Variants in TRERF1 observed in about 807,000 individuals in gnomAD.
The protein encoded by TRERF1 is transcriptional-regulating factor 1.
A neutral mutation model predicts 122.9 loss-of-function variants in TRERF1; 27 were observed. The observed-to-expected ratio is 0.22, with a 90% CI of 0.16 to 0.30. The LOEUF (loss-of-function observed/expected upper bound fraction) is 0.30. Among genes scored for constraint, TRERF1 ranks in the 10% least tolerant of loss-of-function variants. The pLI, the probability that TRERF1 is intolerant of heterozygous loss-of-function variation, is 1.00. For missense variants in TRERF1, 1,248 were observed against 1,560.3 expected (o/e 0.80, Z 3.37); for synonymous variants, 636 against 641.7 (o/e 0.99, Z 0.13).
chr6:42,338,032 G>GC (rs971770240), intron 3 of TRERF1, among the ~76,000 whole-genome samples: 16 of 152,296 alleles, frequency 1.1e-4, no homozygotes, highest in African/African-American at 3.1e-4. Context: ...TTTAACAAGA[G>GC]CCCCCAGGTG....
At chr6:42,376,070 T>C (rs1268063229) in intron 2 of TRERF1, among the ~76,000 whole-genome samples, 3 of 152,054 alleles carry the variant, frequency 2.0e-5, no homozygotes, top group African/African-American at 7.2e-5. Flanking sequence ...GGGATGTTTC[T>C]CGGCCTACCA....
chr6:42,338,294 G>A (rs577298564), intron 3 of TRERF1, among the ~76,000 whole-genome samples: 24 of 152,022 alleles, frequency 1.6e-4, no homozygotes, highest in African/African-American at 5.5e-4. Context: ...CTTGGGGGTA[G>A]GGAAATGGGC....
intron 2 of TRERF1, among the ~76,000 whole-genome samples, chr6:42,439,753 T>C (rs1481244748): frequency 6.6e-6 from 1 of 152,200 alleles, no homozygotes; most frequent in African/African-American, 2.4e-5. Flanking sequence ...TTCTGAACTG[T>C]TAGAAATAAA....
chr6:42,311,428 G>A (rs1788206556), intron 3 of TRERF1, among the ~76,000 whole-genome samples: 2 of 152,024 alleles, frequency 1.3e-5, no homozygotes, highest in Admixed American at 6.6e-5. Context: ...GGAGGGAGCC[G>A]GCAGGTGCGG....
intron 3 of TRERF1, among the ~76,000 whole-genome samples, chr6:42,308,942 G>C (rs1787759347): frequency 8.4e-6 from 1 of 119,198 alleles, no homozygotes; most frequent in Non-Finnish European, 1.7e-5. Context: ...TAAAATAAAA[G>C]TTAAACATTT....
rs879496913 is a variant in TRERF1 at position 42,290,027 on chromosome 6, C to T, written c.-259+10611G>A. On this transcript the variant is annotated intron_variant, in intron 4 of 17. Coordinates refer to ENST00000372922, the Ensembl canonical transcript of TRERF1. ...TGGAGACCTCAACAGGAGCTGTCAC[C>T]GTGGCAGCTGGACCGAGGTTCCAAG... 2.6e-5 allele frequency among the ~76,000 whole-genome samples: 4 copies of T among 152,132 alleles called. No homozygotes were observed. The South Asian group carries it at 6.2e-4, about 24-fold the overall frequency.
intron 3 of TRERF1, among the ~76,000 whole-genome samples, chr6:42,345,343 G>A (rs1447483029): frequency 1.3e-5 from 2 of 152,170 alleles, no homozygotes; most frequent in Non-Finnish European, 2.9e-5. Flanking sequence ...ACACACACAC[G>A]GGAGAAGCAT....
exon 2 of TRERF1, chr6:42,451,251 G>A (rs1474807467): frequency 6.5e-6 from 1 of 154,490 alleles, no homozygotes; most frequent in Non-Finnish European, 1.4e-5. Context: ...TGAGATGGGG[G>A]GCGAGCAGAG....
intron 3 of TRERF1, among the ~76,000 whole-genome samples, chr6:42,324,167 C>T (rs1364761201): frequency 1.3e-5 from 2 of 152,140 alleles, no homozygotes; most frequent in Non-Finnish European, 2.9e-5. Context: ...CAACAGTCCA[C>T]CCACCCAAAT....
intron 2 of TRERF1, among the ~76,000 whole-genome samples, chr6:42,387,431 C>G (rs1207608934): frequency 6.6e-6 from 1 of 152,224 alleles, no homozygotes. Flanking sequence ...CCCTACCTAC[C>G]AGCCTTTACC....
intron 2 of TRERF1, among the ~76,000 whole-genome samples, chr6:42,418,433 C>T (rs780131134): frequency 1.3e-5 from 2 of 151,668 alleles, no homozygotes; most frequent in African/African-American, 2.4e-5. Flanking sequence ...CCATGCCTGA[C>T]TAATTTTTTG....
chr6:42,367,545 G>A (rs550852549), intron 2 of TRERF1, among the ~76,000 whole-genome samples: 4 of 152,302 alleles, frequency 2.6e-5, no homozygotes, highest in African/African-American at 9.6e-5. Flanking sequence ...GTGTGGAGGA[G>A]AGGCGTGCAG....
intron 3 of TRERF1, among the ~76,000 whole-genome samples, chr6:42,330,340 G>A (rs1056520054): frequency 3.9e-5 from 6 of 152,142 alleles, no homozygotes; most frequent in Non-Finnish European, 8.8e-5. Context: ...TGGCTAGGGG[G>A]AAAAAGCTAG....
At chr6:42,273,492 G>A (rs1780611422) in intron 4 of TRERF1, among the ~76,000 whole-genome samples, 1 of 152,068 alleles carries the variant, frequency 6.6e-6, no homozygotes, top group Admixed American at 6.5e-5. Context: ...ACGTTCTCAT[G>A]AAGCATAGTC....
chr6:42,343,021 A>G, intron 3 of TRERF1, among the ~76,000 whole-genome samples: 1 of 152,050 alleles, frequency 6.6e-6, no homozygotes, highest in Admixed American at 6.5e-5. Context: ...GGTGGATTCT[A>G]TGCTCTGCTA....
intron 2 of TRERF1, among the ~76,000 whole-genome samples, chr6:42,369,405 C>T (rs1261983611): frequency 6.6e-6 from 1 of 152,106 alleles, no homozygotes; most frequent in Non-Finnish European, 1.5e-5. Context: ...GATCAAGCCA[C>T]TGCACTCCAA....
chr6:42,292,394 C>CT (rs1286634646), intron 4 of TRERF1, among the ~76,000 whole-genome samples: 1 of 152,170 alleles, frequency 6.6e-6, no homozygotes, highest in Non-Finnish European at 1.5e-5. Context: ...CTTGCTTACT[C>CT]TAACATCCCC....
chr6:42,350,418 G>A (rs969593075), intron 3 of TRERF1, among the ~76,000 whole-genome samples: 7 of 152,208 alleles, frequency 4.6e-5, no homozygotes, highest in Non-Finnish European at 1.0e-4. Flanking sequence ...AAAATGGCCA[G>A]ATGGCCCCTG....
intron 2 of TRERF1, among the ~76,000 whole-genome samples, chr6:42,445,008 A>G (rs1022948116): frequency 6.6e-6 from 1 of 152,160 alleles, no homozygotes; most frequent in Non-Finnish European, 1.5e-5. Context: ...AGTAGGTCAC[A>G]TCTGTAATCC....
Sources: allele counts gnomAD v4.1 joint callset (sites outside exome capture counted in the v4.1 genomes callset), GRCh38; gene constraint gnomAD v4.1.1; transcripts MANE v1.5; gene names NCBI Gene and HGNC (gene_info 2026-07-23, HGNC 2026-07-21).